The following PRDM10 variants were observed in gnomAD, a reference collection of about 807,000 sequenced individuals.
The protein encoded by PRDM10 is PR/SET domain 10.
A neutral mutation model predicts 133.1 loss-of-function variants in PRDM10; 65 were observed. That is an observed-to-expected ratio of 0.49 (90% CI 0.40 to 0.60). PRDM10 has a LOEUF of 0.60. Among genes scored for constraint, PRDM10 ranks in the 20% least tolerant of loss-of-function variants. The pLI, the probability that PRDM10 is intolerant of heterozygous loss-of-function variation, is 0.00. For synonymous variants in PRDM10, 582 were observed against 580.4 expected, an observed-to-expected ratio of 1.00 and a Z score of -0.04; for missense variants, 1,137 against 1,507.1, an observed-to-expected ratio of 0.75 and a Z score of 4.07.
chr11:129,981,675 C>G (rs1210131942), intron 1 of PRDM10, among the ~76,000 whole-genome samples: 2 of 152,022 alleles, frequency 1.3e-5, no homozygotes, highest in Non-Finnish European at 2.9e-5. Flanking sequence ...GTGGGTAGAT[C>G]ACCTGAGGTC....
chr11:129,962,503 C>T (rs1219093928), intron 1 of PRDM10, among the ~76,000 whole-genome samples: 2 of 152,214 alleles, frequency 1.3e-5, no homozygotes, highest in African/African-American at 4.8e-5. Flanking sequence ...CCTACTCTTC[C>T]AATCCCCATT....
chr11:129,978,993 C>T (rs949341369), intron 1 of PRDM10, among the ~76,000 whole-genome samples: 15 of 152,182 alleles, frequency 9.9e-5, no homozygotes, highest in Admixed American at 8.5e-4. Flanking sequence ...GGCTGAGACA[C>T]TTGTTGGGGG....
chr11:129,977,553 A>C (rs1029704807), intron 1 of PRDM10, among the ~76,000 whole-genome samples: 1 of 152,148 alleles, frequency 6.6e-6, no homozygotes, highest in Non-Finnish European at 1.5e-5. Context: ...AAGTGCTGGG[A>C]TTACAGGCGT....
At position 129,900,444 on chromosome 11, in the gene PRDM10, A is replaced by G. The variant is rs1949814578; in HGVS notation, c.*1869T>C. ...TTCCTCTGTGTATTTTAAAACTTAA[A>G]ACAACTGCCATAAAATGAACATTCC... On this transcript the variant is annotated 3_prime_UTR_variant, in exon 21 of 21. Coordinates refer to ENST00000360871, the MANE Select transcript of PRDM10 (RefSeq NM_199437.2). 6.5e-6 allele frequency: 1 copy of G among 152,694 alleles called. No homozygotes were observed. The highest frequency in any genetic ancestry group is 2.1e-4 in the South Asian group (1 of 4,836). The allele number at this position is 152,694 out of a possible 1,614,324, so 9.5% of individuals were successfully genotyped here.
intron 4 of PRDM10, among the ~76,000 whole-genome samples, chr11:129,954,242 T>G (rs1290205629): frequency 3.3e-5 from 5 of 150,318 alleles, no homozygotes; most frequent in African/African-American, 1.2e-4. Context: ...TGCTTCTTCT[T>G]TTAAATTTTA....
intron 13 of PRDM10, among the ~76,000 whole-genome samples, chr11:129,920,032 T>C (rs905657655): frequency 6.6e-6 from 1 of 152,236 alleles, no homozygotes; most frequent in Admixed American, 6.5e-5. Flanking sequence ...CTTTCTTTAG[T>C]GTGGATACAA....
chr11:129,932,329 CCT>C, intron 9 of PRDM10, 98 bp from the exon 10 acceptor site: 1 of 1,420,888 alleles, frequency 7.0e-7, no homozygotes, highest in Non-Finnish European at 9.5e-7. Context: ...GAGTTTGATT[CCT>C]CTCACCTTAT....
chr11:129,933,453 C>T (rs144563621), intron 9 of PRDM10, among the ~76,000 whole-genome samples: 18 of 152,312 alleles, frequency 1.2e-4, no homozygotes, highest in Admixed American at 8.5e-4. Flanking sequence ...GCATGTCTCT[C>T]TGAATCATAA....
intron 11 of PRDM10, chr11:129,929,489 A>G: frequency 7.2e-7 from 1 of 1,391,098 alleles, no homozygotes; most frequent in Non-Finnish European, 9.9e-7. Flanking sequence ...ACTTCCCTTC[A>G]GTTGGTCATT....
chr11:129,991,775 C>T (rs1289213822), intron 1 of PRDM10, among the ~76,000 whole-genome samples: 6 of 150,352 alleles, frequency 4.0e-5, no homozygotes, highest in Admixed American at 6.7e-5. Flanking sequence ...TCCGATATCG[C>T]GCCACTGCAC....
intron 9 of PRDM10, among the ~76,000 whole-genome samples, 197 bp from the exon 10 acceptor site, chr11:129,932,428 T>G (rs980808442): frequency 6.6e-5 from 10 of 152,204 alleles, no homozygotes; most frequent in Admixed American, 5.9e-4. Flanking sequence ...TATTACAGCT[T>G]AAAGATATGT....
At position 130,002,728 on chromosome 11, in the gene PRDM10, T is replaced by TTGGGTGAGGGGAGCTGGAAGATCA. The variant is rs1418629018; in HGVS notation, c.-149_-126dup. 1 of 163,156 alleles carries TTGGGTGAGGGGAGCTGGAAGATCA rather than the reference T, an allele frequency of 6.1e-6. No individual in the cohort carries two copies. Among genetic ancestry groups the TTGGGTGAGGGGAGCTGGAAGATCA allele is most frequent in the Non-Finnish European group, 1.4e-5 (1 of 73,676 alleles). The allele number at this position is 163,156 out of a possible 1,614,324, so 10.1% of individuals were successfully genotyped here. ...TAATCCTTTAGGTACTTACACGACG[T>TTGGGTGAGGGGAGCTGGAAGATCA]TGGGTGAGGGGAGCTGGAAGATCAG... On this transcript the variant is annotated 5_prime_UTR_variant, in exon 1 of 21. It adds an upstream start codon to the 5' untranslated region. Coordinates refer to ENST00000360871, the MANE Select transcript of PRDM10 (RefSeq NM_199437.2).
In PRDM10 at chr11:129,942,513, G is replaced by A. The variant is rs1486661396; in HGVS notation, c.879C>T (p.His293=). 1.2e-6 allele frequency: 2 copies of A among 1,613,950 alleles called. No individual in the cohort carries two copies. Among genetic ancestry groups the A allele is most frequent in the Non-Finnish European group, 1.7e-6 (2 of 1,180,024 alleles). Residue 293 remains histidine (H), a synonymous_variant, in exon 7 of 21, where the codon CAC becomes CAT. Transcript: ENST00000360871. The part of the protein sequence containing the change: ...WMMFVRPAQN[H]LEQNLVAYQY... ...GGTAAGCCACCAGGTTCTGCTCCAG[G>A]TGATTCTGGGCTGGCCGTACAAACA...
In PRDM10 at chr11:129,944,542, G is replaced by A. The variant is rs559587428; in HGVS notation, c.762+229C>T. The stretch of plus-strand genomic sequence containing the variant: ...GGAGCTTGCAGTGAGCCGAGATCGC[G>A]CCACTGCACTCCAGCCTGGGCGACA... On this transcript the variant is annotated intron_variant, in intron 6 of 20. Transcript: ENST00000360871. Among the ~76,000 whole-genome samples, 1,111 of 148,736 alleles carry A rather than the reference G, an allele frequency of 7.5e-3. 4 individuals are homozygous for A. The highest frequency in any genetic ancestry group is 0.013 in the African/African-American group (518 of 40,136).
chr11:129,915,098 G>A, intron 16 of PRDM10, 80 bp from the exon 17 acceptor site: 3 of 1,412,974 alleles, frequency 2.1e-6, no homozygotes, highest in Non-Finnish European at 2.9e-6. Flanking sequence ...ATCCTCCAAA[G>A]ATTCCTAAAG....
intron 18 of PRDM10, 87 bp downstream of exon 18, chr11:129,911,998 G>A: frequency 7.1e-7 from 1 of 1,415,168 alleles, no homozygotes. Context: ...AGGAGACTAG[G>A]TCTGAAGAGA....
rs1950422543 is a variant in PRDM10, at chr11:129,918,405, G to A, written c.2214+134C>T. 8.9e-7 allele frequency: 1 copy of A among 1,126,034 alleles called. No individual in the cohort carries two copies. Among genetic ancestry groups the A allele is most frequent in the Non-Finnish European group, 1.2e-6 (1 of 853,056 alleles). 69.8% of individuals were successfully genotyped at this position (1,126,034 alleles called of 1,614,324 possible). ...TCCAAATTGGGAATCGTTTGCCTCTGTTTCTTCCCCTGGACATTGACAAAA... is the reference window on the plus strand; with the variant it reads ...TCCAAATTGGGAATCGTTTGCCTCTATTTCTTCCCCTGGACATTGACAAAA... On this transcript the variant is annotated intron_variant, in intron 14 of 20. Transcript: ENST00000360871. The surrounding 1 kb of genome is among the most constrained non-coding windows in gnomAD (Gnocchi z 5.3).
intron 4 of PRDM10, among the ~76,000 whole-genome samples, chr11:129,951,771 A>AT (rs1348972290): frequency 6.6e-6 from 1 of 152,146 alleles, no homozygotes; most frequent in Non-Finnish European, 1.5e-5. Context: ...GGAGTCACAC[A>AT]TGTTCATTTT....
At chr11:129,905,160 A>G (rs1949972940) in intron 20 of PRDM10, among the ~76,000 whole-genome samples, 1 of 152,068 alleles carries the variant, frequency 6.6e-6, no homozygotes, top group Non-Finnish European at 1.5e-5. Flanking sequence ...TCAGGAGATC[A>G]AGATCATACT....
Sources: allele counts gnomAD v4.1 joint callset (sites outside exome capture counted in the v4.1 genomes callset), GRCh38; gene constraint gnomAD v4.1.1; non-coding constraint Gnocchi (gnomAD v3.1); transcripts MANE v1.5; gene names NCBI Gene and HGNC (gene_info 2026-07-23, HGNC 2026-07-21).